C11orf65: variants seen among roughly 807,000 people sequenced by gnomAD.
C11orf65 encodes protein MFI.
A neutral mutation model predicts 35.3 loss-of-function variants in C11orf65; 38 were observed. That is an observed-to-expected ratio of 1.08 (90% CI 0.83 to 1.41). C11orf65 has a LOEUF of 1.41. Ranked by LOEUF, C11orf65 falls within the 40% of genes most tolerant of loss-of-function variation. The pLI is 0.00. For synonymous variants in C11orf65, 105 were observed against 114.4 expected (o/e 0.92, Z 0.53); for missense variants, 370 against 367.1 (o/e 1.01, Z -0.06).
At position 108,332,747 on chromosome 11, in the gene C11orf65, G is replaced by C. The variant is rs781449587; in HGVS notation, c.300-1180C>G. ...GGTAGTTCCTTATGTAATGTTTTTT[G>C]TTTTTTATTAATAGGATCGAACAGA... On this transcript the variant is annotated intron_variant, in intron 3 of 3. Transcript: ENST00000524755. 2.4e-5 allele frequency: 39 copies of C among 1,609,620 alleles called. No individual in the cohort carries two copies. In the East Asian group the frequency reaches 8.3e-4, roughly 34 times the overall value.
chr11:108,370,635 G>A (rs1335896554), intron 2 of C11orf65, among the ~76,000 whole-genome samples: 1 of 146,020 alleles, frequency 6.8e-6, no homozygotes, highest in Non-Finnish European at 1.5e-5. Flanking sequence ...TTTTTTTAAT[G>A]TGTGTATTTC....
intron 2 of C11orf65, chr11:108,340,370 A>G (rs541215242): frequency 1.2e-5 from 1 of 85,038 alleles, no homozygotes; most frequent in African/African-American, 4.5e-5. Flanking sequence ...TAGATCTGTA[A>G]GATAATGTCT....
rs901515161 is a variant in C11orf65, at chr11:108,309,072, C to T, written c.641-1G>A. The T allele has an allele frequency of 4.1e-6, 6 of 1,470,656 alleles. No individual in the cohort carries two copies. The highest frequency in any genetic ancestry group is 5.5e-6 in the Non-Finnish European group (6 of 1,088,108). 91.1% of individuals were successfully genotyped at this position (1,470,656 alleles called of 1,614,324 possible). On this transcript the variant is annotated splice_acceptor_variant, in intron 6 of 6. Transcript: ENST00000525729. LOFTEE classifies it high-confidence loss of function. ...CTGAATAAGATCCTGAAGAATATTC[C>T]TGGAGAAAGTATGAATGGGATATAG...
At chr11:108,376,685 C>A (rs2091734910) in intron 2 of C11orf65, among the ~76,000 whole-genome samples, 1 of 152,048 alleles carries the variant, frequency 6.6e-6, no homozygotes, top group Admixed American at 6.5e-5. Context: ...ATTAATGAAT[C>A]CAGGAGCTGG....
intron 6 of C11orf65, among the ~76,000 whole-genome samples, chr11:108,397,293 T>C (rs1405093816): frequency 1.4e-5 from 2 of 144,978 alleles, no homozygotes; most frequent in Non-Finnish European, 3.0e-5. Context: ...TACTCCAGCC[T>C]GGGCAGCAGA....
intron 6 of C11orf65, among the ~76,000 whole-genome samples, chr11:108,320,256 T>C (rs956237253): frequency 6.6e-6 from 1 of 152,242 alleles, no homozygotes; most frequent in African/African-American, 2.4e-5. Flanking sequence ...GTTCATTCTT[T>C]ACCCTGACCC....
chr11:108,452,333 A>G (rs1210945909), intron 2 of C11orf65, among the ~76,000 whole-genome samples: 1 of 152,214 alleles, frequency 6.6e-6, no homozygotes, highest in Non-Finnish European at 1.5e-5. Flanking sequence ...CACCCCATCA[A>G]AAAGTGGGCA....
chr11:108,461,636 A>AT (rs760955240), intron 1 of C11orf65, 68 bp from the exon 2 acceptor site: 133 of 1,084,312 alleles, frequency 1.2e-4, no homozygotes, highest in Middle Eastern at 2.6e-4. Context: ...TTATTTATTT[A>AT]TTTTTTTTAG....
intron 6 of C11orf65, among the ~76,000 whole-genome samples, chr11:108,311,088 C>T (rs1427721328): frequency 6.6e-6 from 1 of 152,132 alleles, no homozygotes; most frequent in Non-Finnish European, 1.5e-5. Context: ...CTGCCTCAGC[C>T]TCCAAGTAGC....
intron 7 of C11orf65, among the ~76,000 whole-genome samples, chr11:108,391,032 T>C (rs548846774): frequency 1.3e-5 from 2 of 152,218 alleles, no homozygotes; most frequent in South Asian, 4.2e-4. Flanking sequence ...TCTTCATTTA[T>C]CTTTCCTTGC....
At chr11:108,450,533 C>G (rs2093332511) in intron 2 of C11orf65, among the ~76,000 whole-genome samples, 3 of 146,522 alleles carry the variant, frequency 2.0e-5, no homozygotes. Flanking sequence ...AACAAAAAAC[C>G]AAACACCACA....
chr11:108,412,359 A>C (rs1360044078), intron 3 of C11orf65, among the ~76,000 whole-genome samples: 1 of 152,190 alleles, frequency 6.6e-6, no homozygotes, highest in Non-Finnish European at 1.5e-5. Context: ...AATACAATAA[A>C]TATCGATTGA....
At chr11:108,406,469 C>T (rs1014103340) in intron 5 of C11orf65, among the ~76,000 whole-genome samples, 1 of 152,050 alleles carries the variant, frequency 6.6e-6, no homozygotes, top group African/African-American at 2.4e-5. Flanking sequence ...TTCAACATAC[C>T]AAATTCTACA....
chr11:108,376,761 G>C, intron 2 of C11orf65, among the ~76,000 whole-genome samples: 1 of 151,692 alleles, frequency 6.6e-6, no homozygotes, highest in East Asian at 1.9e-4. Flanking sequence ...AAGGAGAGAA[G>C]AATCAAATAG....
chr11:108,398,038 T>C (rs1221805110), intron 6 of C11orf65, among the ~76,000 whole-genome samples: 2 of 152,144 alleles, frequency 1.3e-5, no homozygotes, highest in African/African-American at 2.4e-5. Flanking sequence ...GGGCCAAGTA[T>C]CAAAAGATGA....
At chr11:108,461,903 G>A (rs1738121224) in intron 1 of C11orf65, among the ~76,000 whole-genome samples, 1 of 151,922 alleles carries the variant, frequency 6.6e-6, no homozygotes, top group Non-Finnish European at 1.5e-5. Flanking sequence ...TTGTAAGCGT[G>A]AGCCACCGCG....
At chr11:108,347,469 T>G in intron 2 of C11orf65, 1 of 985,126 alleles carries the variant, frequency 1.0e-6, no homozygotes, top group East Asian at 2.6e-5. Context: ...ACAGATAAAT[T>G]GAAGCAGTAA....
At chr11:108,326,350 T>C in intron 6 of C11orf65, 1 of 1,273,590 alleles carries the variant, frequency 7.9e-7, no homozygotes, top group Non-Finnish European at 1.1e-6. Flanking sequence ...TAACAAGATA[T>C]TGTAAAACTA....
intron 2 of C11orf65, chr11:108,365,714 A>G: frequency 1.5e-6 from 1 of 688,328 alleles, no homozygotes; most frequent in Non-Finnish European, 2.4e-6. Flanking sequence ...TTCACTCTTT[A>G]GAAATAATGG....
Sources: gnomAD v4.1 joint callset for allele counts (sites outside exome capture counted in the v4.1 genomes callset) on GRCh38, gnomAD v4.1.1 for gene constraint, MANE v1.5 for transcripts, NCBI Gene and HGNC (gene_info 2026-07-23, HGNC 2026-07-21) for gene names.